Variants in CNTN5 observed in about 807,000 individuals in gnomAD.
CNTN5 encodes the protein contactin-5.
A neutral mutation model predicts 129.1 loss-of-function variants in CNTN5; 77 were observed. The ratio of observed to expected loss-of-function variants is 0.60; its 90% CI spans 0.50 to 0.72. The LOEUF (loss-of-function observed/expected upper bound fraction) is 0.72. Ranked by LOEUF, CNTN5 falls within the 30% of genes least tolerant of loss-of-function variation. The pLI is 0.00. For synonymous variants in CNTN5, 509 were observed against 465.6 expected (o/e 1.09, Z -1.20); for missense variants, 1,478 against 1,328.8 (o/e 1.11, Z -1.75).
At chr11:99,302,202 G>T (rs1214633643) in intron 1 of CNTN5, among the ~76,000 whole-genome samples, 1 of 150,708 alleles carries the variant, frequency 6.6e-6, no homozygotes, top group African/African-American at 2.4e-5. Flanking sequence ...CAAGCAAAAG[G>T]AAAAAAAGAA....
At chr11:99,665,520 C>T (rs1952755165) in intron 3 of CNTN5, among the ~76,000 whole-genome samples, 2 of 111,950 alleles carry the variant, frequency 1.8e-5, no homozygotes, top group Non-Finnish European at 3.3e-5. Flanking sequence ...GAGCCTTGCT[C>T]TGTTGCTCAG....
chr11:100,135,466 C>T (rs373762095), intron 13 of CNTN5, among the ~76,000 whole-genome samples: 73 of 152,204 alleles, frequency 4.8e-4, no homozygotes, highest in African/African-American at 1.6e-3. Context: ...TGAGCCACTG[C>T]GCCCGGCCAG....
chr11:99,295,651 T>C (rs981407561), intron 1 of CNTN5, among the ~76,000 whole-genome samples: 2 of 147,258 alleles, frequency 1.4e-5, no homozygotes, highest in East Asian at 4.0e-4. Context: ...CCGAGGCGGG[T>C]GGATCATGAG....
chr11:99,114,739 T>G (rs532076077), intron 1 of CNTN5, among the ~76,000 whole-genome samples: 1 of 152,286 alleles, frequency 6.6e-6, no homozygotes, highest in South Asian at 2.1e-4. Context: ...CTCGTAAACA[T>G]TCATCTGTCA....
chr11:99,184,288 T>C (rs79708040), intron 1 of CNTN5, among the ~76,000 whole-genome samples: 3,697 of 152,206 alleles, frequency 0.024, 149 homozygotes, highest in African/African-American at 0.084. Flanking sequence ...ACTATGTCTC[T>C]ACTTAACTAC....
chr11:100,018,920 CTG>C (rs1251657131), intron 9 of CNTN5, among the ~76,000 whole-genome samples: 1 of 151,856 alleles, frequency 6.6e-6, no homozygotes, highest in Non-Finnish European at 1.5e-5. Context: ...ATGATATTGA[CTG>C]TGTTATGTGC....
chr11:100,188,543 C>A (rs1485481562), intron 13 of CNTN5, among the ~76,000 whole-genome samples: 1 of 152,002 alleles, frequency 6.6e-6, no homozygotes, highest in African/African-American at 2.4e-5. Flanking sequence ...AATGAGACAC[C>A]ATCTCACACC....
intron 1 of CNTN5, among the ~76,000 whole-genome samples, chr11:99,317,814 T>A (rs1280919996): frequency 6.6e-6 from 1 of 151,860 alleles, no homozygotes; most frequent in Non-Finnish European, 1.5e-5. Flanking sequence ...CTACAATAAT[T>A]AACTTACTGT....
chr11:99,425,867 T>G (rs1591034824), intron 2 of CNTN5, among the ~76,000 whole-genome samples: 1 of 152,228 alleles, frequency 6.6e-6, no homozygotes, highest in Non-Finnish European at 1.5e-5. Context: ...CCTCCCCCAC[T>G]GCAGCCAGTG....
rs114837152 is a variant in CNTN5 at position 99,084,912 on chromosome 11, T to C, written c.-210+63642T>C. On this transcript the variant is annotated intron_variant, in intron 1 of 24. Coordinates refer to ENST00000524871, the MANE Select transcript of CNTN5 (RefSeq NM_014361.4). ...GCAGAACTTCATGTTTTCTAAGATA[T>C]GGTTTATCTGATTAATATATTTTTC... 6.5e-3 allele frequency among the ~76,000 whole-genome samples: 996 copies of C among 152,348 alleles called. 5 individuals are homozygous for C. Among genetic ancestry groups the C allele is most frequent in the African/African-American group, 0.023 (942 of 41,570 alleles).
chr11:99,253,897 T>TTATTTATATATATATATA (rs1555091183), intron 1 of CNTN5, among the ~76,000 whole-genome samples: 1 of 139,062 alleles, frequency 7.2e-6, no homozygotes, highest in African/African-American at 2.7e-5. Context: ...AAATATACGT[T>TTATTTATATATATATATA]TATATATATA....
intron 13 of CNTN5, among the ~76,000 whole-genome samples, chr11:100,098,205 A>T (rs1040325029): frequency 1.3e-5 from 2 of 152,104 alleles, no homozygotes; most frequent in Non-Finnish European, 2.9e-5. Flanking sequence ...ATAGCTATGT[A>T]TAAGCAAAAA....
At position 100,076,932 on chromosome 11, in the gene CNTN5, T is replaced by C. The variant is rs11607629; in HGVS notation, c.1580+2638T>C. Among the ~76,000 whole-genome samples, 377 of 152,198 alleles carry C rather than the reference T, an allele frequency of 2.5e-3. 1 individual carries two copies. The highest frequency in any genetic ancestry group is 6.8e-3 in the Middle Eastern group (2 of 294). ...AGTTCACTACAAAAAATAATAACACTTAATATTAAATAAGAGGCTAAGATT... is the reference window on the plus strand; with the variant it reads ...AGTTCACTACAAAAAATAATAACACCTAATATTAAATAAGAGGCTAAGATT... On this transcript the variant is annotated intron_variant, in intron 13 of 24. Coordinates refer to ENST00000524871, the MANE Select transcript of CNTN5 (RefSeq NM_014361.4).
intron 6 of CNTN5, among the ~76,000 whole-genome samples, chr11:99,846,073 A>G (rs1947683829): frequency 6.6e-6 from 1 of 151,870 alleles, no homozygotes; most frequent in Admixed American, 6.6e-5. Context: ...TATATCTCCT[A>G]GATGTCCCAG....
chr11:100,256,115 A>G (rs1950064742), intron 17 of CNTN5, among the ~76,000 whole-genome samples, 197 bp downstream of exon 17: 1 of 152,186 alleles, frequency 6.6e-6, no homozygotes, highest in Non-Finnish European at 1.5e-5. Flanking sequence ...TCAGTTCCCA[A>G]AGAGGAACTA....
chr11:99,496,173 A>C (rs1411486323), intron 2 of CNTN5, among the ~76,000 whole-genome samples: 2 of 152,204 alleles, frequency 1.3e-5, no homozygotes, highest in Non-Finnish European at 2.9e-5. Context: ...GTAATCATGC[A>C]TCTATTTTTG....
chr11:100,232,733 T>G (rs75581441), intron 16 of CNTN5, among the ~76,000 whole-genome samples: 1 of 152,176 alleles, frequency 6.6e-6, no homozygotes, highest in African/African-American at 2.4e-5. Context: ...TAGCTAAACA[T>G]GAACAACTTT....
chr11:100,188,839 C>A (rs1948383194), intron 13 of CNTN5, among the ~76,000 whole-genome samples: 1 of 152,102 alleles, frequency 6.6e-6, no homozygotes, highest in Non-Finnish European at 1.5e-5. Flanking sequence ...ATGTGCCCAT[C>A]AATGGTGAAT....
intron 4 of CNTN5, among the ~76,000 whole-genome samples, chr11:99,836,502 A>G (rs1277758405): frequency 6.6e-6 from 1 of 152,078 alleles, no homozygotes; most frequent in African/African-American, 2.4e-5. Flanking sequence ...ACAGTATTCC[A>G]TGGTGTATAT....
Sources: gnomAD v4.1 joint callset for allele counts (sites outside exome capture counted in the v4.1 genomes callset) on GRCh38, gnomAD v4.1.1 for gene constraint, MANE v1.5 for transcripts, NCBI Gene and HGNC (gene_info 2026-07-23, HGNC 2026-07-21) for gene names.